The following TAF1B variants were observed in gnomAD, a reference collection of about 807,000 sequenced individuals.
TAF1B encodes the protein TATA box-binding protein-associated factor RNA polymerase I subunit B.
A neutral mutation model predicts 83.9 loss-of-function variants in TAF1B; 61 were observed. That is an observed-to-expected ratio of 0.73 (90% CI 0.59 to 0.90). TAF1B has a LOEUF of 0.90. TAF1B is among the 40% of genes least tolerant of loss of function. The probability of loss-of-function intolerance (pLI) is 0.00; values close to 1 mark genes in which losing one functional copy is unlikely to be tolerated. For synonymous variants in TAF1B, 221 were observed against 224.6 expected (o/e 0.98, Z 0.14); for missense variants, 625 against 677.0 (o/e 0.92, Z 0.85).
At position 9,848,621 on chromosome 2, in the gene TAF1B, G is replaced by T. The variant is rs534605310; in HGVS notation, c.118-752G>T. 1.9e-4 allele frequency among the ~76,000 whole-genome samples: 29 copies of T among 151,072 alleles called. No individual in the cohort carries two copies. In the South Asian group the frequency reaches 5.6e-3, roughly 29 times the overall value. On this transcript the variant is annotated intron_variant, in intron 2 of 14. Coordinates refer to ENST00000263663, the MANE Select transcript of TAF1B (RefSeq NM_005680.3). Reference sequence around the variant, plus strand: ...GCAAAGGTTGAAGTGAGCAGAGATCGCACCATTGCACTCCAGCCTGGGCGA... The same window carrying T: ...GCAAAGGTTGAAGTGAGCAGAGATCTCACCATTGCACTCCAGCCTGGGCGA...
At chr2:9,843,862 G>C (rs989932378) in intron 1 of TAF1B, 1 of 284,254 alleles carries the variant, frequency 3.5e-6, no homozygotes, top group East Asian at 6.1e-5. Flanking sequence ...CACCCACAGG[G>C]CTCATCCTCG....
intron 11 of TAF1B, among the ~76,000 whole-genome samples, chr2:9,912,386 A>G (rs190192553): frequency 3.5e-4 from 53 of 151,212 alleles, no homozygotes; most frequent in Non-Finnish European, 6.3e-4. Flanking sequence ...TGTTCTCATT[A>G]GGATTTATGT....
intron 12 of TAF1B, among the ~76,000 whole-genome samples, chr2:9,916,025 A>G (rs1665671700): frequency 6.6e-6 from 1 of 152,224 alleles, no homozygotes; most frequent in Non-Finnish European, 1.5e-5. Context: ...AGGCTAAACT[A>G]TGGGGACAGA....
In TAF1B at chr2:9,849,395, C is replaced by A. The variant is rs1223175162; in HGVS notation, c.140C>A (p.Thr47Asn). The change falls in exon 3 of 15, where the codon ACT becomes AAT. Residue 47 changes from threonine to asparagine, a missense_variant. Thr to Asn is a moderately conservative substitution (Grantham distance 65). Transcript: ENST00000263663. ...VTERYQEVTN[T>N]DLIPNTQIKA... ...CAGAGATATCAGGAAGTTACAAACA[C>A]TGATCTTATTCCTAATACCCAAATA... The A allele has an allele frequency of 4.4e-6, 7 of 1,599,830 alleles. No homozygotes were observed. The highest frequency in any genetic ancestry group is 6.0e-6 in the Non-Finnish European group (7 of 1,173,940).
chr2:9,874,738 A>G (rs1572237806), intron 6 of TAF1B, among the ~76,000 whole-genome samples: 1 of 152,156 alleles, frequency 6.6e-6, no homozygotes. Flanking sequence ...AAGATACCAT[A>G]ATGTCATATG....
intron 9 of TAF1B, among the ~76,000 whole-genome samples, chr2:9,905,283 T>C (rs1358300824): frequency 6.6e-6 from 1 of 152,238 alleles, no homozygotes; most frequent in Non-Finnish European, 1.5e-5. Flanking sequence ...GTAAGTTTGC[T>C]AAGTGCAAGT....
chr2:9,884,648 GCT>G (rs765561213), intron 8 of TAF1B, among the ~76,000 whole-genome samples: 1 of 152,198 alleles, frequency 6.6e-6, no homozygotes, highest in Admixed American at 6.5e-5. Flanking sequence ...TGTCTTTGCA[GCT>G]CTCTCAGCAG....
intron 7 of TAF1B, among the ~76,000 whole-genome samples, chr2:9,880,897 C>A (rs111605800): frequency 0.037 from 5,582 of 152,116 alleles, 142 homozygotes; most frequent in Middle Eastern, 0.061. Context: ...CACAATAATA[C>A]AAATACTGAT....
At position 9,904,924 on chromosome 2, in the gene TAF1B, T is replaced by C; in HGVS notation, c.873T>C (p.Pro291=). Residue 291 remains proline, a synonymous_variant, in exon 9 of 15, where the codon CCT becomes CCC. Coordinates refer to ENST00000263663, the MANE Select transcript of TAF1B (RefSeq NM_005680.3). Reference sequence around the variant, plus strand: ...AAGTTGGAACATTTTTAGATTTGCCTCGTTTTCCAGACATAACTGAAGACT... The same window carrying C: ...AAGTTGGAACATTTTTAGATTTGCCCCGTTTTCCAGACATAACTGAAGACT... ...TVEVGTFLDL[P]RFPDITEDCY... 6.2e-7 allele frequency: 1 copy of C among 1,612,234 alleles called. No homozygotes were observed. The highest frequency in any genetic ancestry group is 1.7e-4 in the Middle Eastern group (1 of 6,054).
chr2:9,925,273 C>T (rs1452533041), intron 14 of TAF1B, among the ~76,000 whole-genome samples: 1 of 151,926 alleles, frequency 6.6e-6, no homozygotes, highest in Non-Finnish European at 1.5e-5. Context: ...AACCCCATCT[C>T]TACTAAAATA....
intron 14 of TAF1B, among the ~76,000 whole-genome samples, chr2:9,927,362 T>C (rs1666073660): frequency 6.6e-6 from 1 of 152,238 alleles, no homozygotes; most frequent in Non-Finnish European, 1.5e-5. Context: ...GTAGCATGAT[T>C]TATAATCCTT....
intron 9 of TAF1B, among the ~76,000 whole-genome samples, chr2:9,906,124 T>A (rs1448589149): frequency 1.3e-5 from 2 of 152,118 alleles, no homozygotes; most frequent in Admixed American, 6.6e-5. Context: ...AAATCCTGAG[T>A]TTATAGAGAG....
At chr2:9,903,316 A>G (rs1159643431) in intron 8 of TAF1B, among the ~76,000 whole-genome samples, 1 of 152,026 alleles carries the variant, frequency 6.6e-6, no homozygotes, top group African/African-American at 2.4e-5. Context: ...CAATCTCCTG[A>G]CCTCATGATC....
At chr2:9,917,146 C>T (rs1451049653) in intron 12 of TAF1B, among the ~76,000 whole-genome samples, 1 of 151,990 alleles carries the variant, frequency 6.6e-6, no homozygotes, top group African/African-American at 2.4e-5. Context: ...GCGCCCGACT[C>T]CTTTCTGTTC....
intron 8 of TAF1B, among the ~76,000 whole-genome samples, chr2:9,889,843 T>C: frequency 6.6e-6 from 1 of 152,204 alleles, no homozygotes; most frequent in South Asian, 2.1e-4. Context: ...CTAAAGACTC[T>C]ACCCAATGCC....
chr2:9,854,224 G>T, intron 4 of TAF1B, 102 bp from the exon 5 acceptor site: 1 of 789,836 alleles, frequency 1.3e-6, no homozygotes, highest in Non-Finnish European at 2.1e-6. Context: ...AAATTTATAT[G>T]TAAGTTAATA....
chr2:9,919,005 T>G, intron 12 of TAF1B, 36 bp from the exon 13 acceptor site: 1 of 1,551,778 alleles, frequency 6.4e-7, no homozygotes, highest in Non-Finnish European at 8.9e-7. Flanking sequence ...CCGTTTCATC[T>G]CCGTCCTGCT....
At chr2:9,886,933 C>T (rs1304365525) in intron 8 of TAF1B, among the ~76,000 whole-genome samples, 6 of 152,046 alleles carry the variant, frequency 3.9e-5, no homozygotes, top group South Asian at 2.1e-4. Context: ...AGCGTGGTGG[C>T]GCACAGCTTT....
chr2:9,901,891 TAA>T (rs577118385), intron 8 of TAF1B, among the ~76,000 whole-genome samples: 1 of 149,614 alleles, frequency 6.7e-6, no homozygotes, highest in African/African-American at 2.5e-5. Context: ...ATCCCAACAT[TAA>T]AAAAAAAACT....
Sources: gnomAD v4.1 joint callset for allele counts (sites outside exome capture counted in the v4.1 genomes callset) on GRCh38, gnomAD v4.1.1 for gene constraint, MANE v1.5 for transcripts, NCBI Gene and HGNC (gene_info 2026-07-23, HGNC 2026-07-21) for gene names.